The following ERCC8 variants were observed in gnomAD, a reference collection of about 807,000 sequenced individuals.
ERCC8 encodes the protein DNA excision repair protein ERCC-8.
A neutral mutation model predicts 54.9 loss-of-function variants in ERCC8; 52 were observed. The ratio of observed to expected loss-of-function variants is 0.95; its 90% CI spans 0.76 to 1.19. The LOEUF (loss-of-function observed/expected upper bound fraction) is 1.19, where lower values mean the gene tolerates loss of function less well. Among genes scored for constraint, ERCC8 ranks in the 50% most tolerant of loss-of-function variants. The pLI, the probability that ERCC8 is intolerant of heterozygous loss-of-function variation, is 0.00. For missense variants in ERCC8, 514 were observed against 466.1 expected, an observed-to-expected ratio of 1.10 and a Z score of -0.95; for synonymous variants, 146 against 157.2, an observed-to-expected ratio of 0.93 and a Z score of 0.53.
At chr5:60,889,895 A>G (rs1748499319) in intron 10 of ERCC8, among the ~76,000 whole-genome samples, 1 of 152,148 alleles carries the variant, frequency 6.6e-6, no homozygotes, top group African/African-American at 2.4e-5. Context: ...ATTGACTAAT[A>G]AAAAGAGATA....
intron 1 of ERCC8, among the ~76,000 whole-genome samples, chr5:60,941,217 T>A (rs559504555): frequency 3.9e-5 from 6 of 152,006 alleles, no homozygotes; most frequent in Non-Finnish European, 8.8e-5. Context: ...AAACAGAAAG[T>A]CTCAGCAAAG....
intron 2 of ERCC8, among the ~76,000 whole-genome samples, chr5:60,923,056 G>C (rs1749645816): frequency 1.3e-5 from 2 of 151,162 alleles, no homozygotes; most frequent in Admixed American, 1.3e-4. Context: ...GTGTGGAAGG[G>C]AAAGAGTGGT....
chr5:60,925,203 C>A (rs542713219), intron 2 of ERCC8, among the ~76,000 whole-genome samples: 6 of 152,126 alleles, frequency 3.9e-5, no homozygotes, highest in Non-Finnish European at 7.4e-5. Context: ...TCCTCTTCTT[C>A]CCTTAAAAAT....
chr5:60,944,987 G>A lies in ERCC8; in HGVS notation c.22C>T (p.Arg8Cys), dbSNP rs746417266. The A allele has an allele frequency of 1.9e-6, 3 of 1,613,956 alleles. No homozygotes were observed. The highest frequency in any genetic ancestry group is 2.7e-5 in the African/African-American group (2 of 74,904). The change falls in exon 1 of 12, where the codon CGC becomes TGC. Residue 8 changes from arginine to cysteine, a missense_variant. Physicochemically the swap from Arg to Cys is radical, Grantham distance 180. Coordinates refer to ENST00000676185, the MANE Select transcript of ERCC8 (RefSeq NM_000082.4). ...AGAGGGTCCTCCAAACCCGTTTGGC[G>A]TGCGGACAAAAACCCCAGCATATCG... is the stretch of plus-strand genomic sequence containing the variant. MLGFLSA[R>C]QTGLEDPLRL... is the part of the protein sequence containing the mutation.
chr5:60,921,299 T>C (rs960404598), intron 3 of ERCC8, among the ~76,000 whole-genome samples: 1 of 151,930 alleles, frequency 6.6e-6, no homozygotes, highest in African/African-American at 2.4e-5. Context: ...CTGTAATAGA[T>C]AGTTGATGTT....
Position 60,870,744 on chromosome 5 carries a change from A to G in ERCC8, c.*3871T>C, listed in dbSNP as rs1747846629. ...TAGATAATCCAAAAAAGAAGAAGGAAAAAGGAGAAGCAACAATTAGACAAA... is the reference window on the plus strand; with the variant it reads ...TAGATAATCCAAAAAAGAAGAAGGAGAAAGGAGAAGCAACAATTAGACAAA... On this transcript the variant is annotated 3_prime_UTR_variant, in exon 12 of 12. Transcript: ENST00000676185. 6.6e-6 allele frequency among the ~76,000 whole-genome samples: 1 copy of G among 151,968 alleles called. No homozygotes were observed. Among genetic ancestry groups the G allele is most frequent in the Admixed American group, 6.6e-5 (1 of 15,254 alleles).
chr5:60,890,855 A>G, intron 10 of ERCC8, 34 bp downstream of exon 10: 1 of 1,504,534 alleles, frequency 6.6e-7, no homozygotes, highest in African/African-American at 1.4e-5. Context: ...CAAGCTAGCT[A>G]GCTGAACATT....
At chr5:60,914,292 T>A (rs776338207) in intron 4 of ERCC8, among the ~76,000 whole-genome samples, 4 of 152,080 alleles carry the variant, frequency 2.6e-5, no homozygotes, top group Non-Finnish European at 5.9e-5. Flanking sequence ...GGTGCATATA[T>A]ATTTAGGATA....
intron 11 of ERCC8, among the ~76,000 whole-genome samples, chr5:60,881,750 C>T (rs1748237629): frequency 6.6e-6 from 1 of 152,182 alleles, no homozygotes; most frequent in African/African-American, 2.4e-5. Context: ...TTTCCAGGTG[C>T]CGTCTGTCAC....
chr5:60,927,650 T>C (rs1007779365), intron 2 of ERCC8, among the ~76,000 whole-genome samples: 2 of 152,072 alleles, frequency 1.3e-5, no homozygotes, highest in Non-Finnish European at 2.9e-5. Context: ...CTGGCTGGAG[T>C]AACAGTATTG....
intron 1 of ERCC8, among the ~76,000 whole-genome samples, chr5:60,939,005 G>T (rs62372142): frequency 0.1 from 15,834 of 151,996 alleles, 1,113 homozygotes; most frequent in South Asian, 0.17. Flanking sequence ...ACAGCTTTTA[G>T]CTTTATTTGT....
chr5:60,906,766 T>C (rs1052244265), intron 4 of ERCC8, among the ~76,000 whole-genome samples: 29 of 151,650 alleles, frequency 1.9e-4, no homozygotes, highest in East Asian at 1.5e-3. Context: ...AATAAACAAA[T>C]ACATACATAA....
At chr5:60,942,578 G>A (rs936639246) in intron 1 of ERCC8, among the ~76,000 whole-genome samples, 1 of 152,126 alleles carries the variant, frequency 6.6e-6, no homozygotes, top group Non-Finnish European at 1.5e-5. Flanking sequence ...TACTAGATAT[G>A]CAAACTAATC....
intron 9 of ERCC8, chr5:60,892,160 T>C: frequency 1.9e-6 from 1 of 516,544 alleles, no homozygotes; most frequent in Non-Finnish European, 3.9e-6. Context: ...AGGGTGGTGG[T>C]CTACATTGAG....
chr5:60,919,196 TATAA>T (rs1749528799), intron 3 of ERCC8, among the ~76,000 whole-genome samples: 1 of 152,028 alleles, frequency 6.6e-6, no homozygotes, highest in African/African-American at 2.4e-5. Flanking sequence ...CTTTTAGAGA[TATAA>T]ATAATTATGA....
intron 11 of ERCC8, among the ~76,000 whole-genome samples, chr5:60,876,466 C>T (rs1483301448): frequency 6.6e-6 from 1 of 152,196 alleles, no homozygotes; most frequent in Non-Finnish European, 1.5e-5. Flanking sequence ...TGGACTTCCA[C>T]AATGGTTGAA....
chr5:60,876,641 C>G (rs1214089708), intron 11 of ERCC8, among the ~76,000 whole-genome samples: 1 of 152,184 alleles, frequency 6.6e-6, no homozygotes, highest in Non-Finnish European at 1.5e-5. Context: ...TGATGATGAG[C>G]ATTTTTTCAT....
At position 60,876,126 on chromosome 5, in the gene ERCC8, G is replaced by A. The variant is rs533486585; in HGVS notation, c.1123-1443C>T. Among the ~76,000 whole-genome samples the A allele has an allele frequency of 3.9e-5, 6 of 152,096 alleles. No individual in the cohort carries two copies. The East Asian group carries it at 9.7e-4, about 25-fold the overall frequency. ...TCCCACCTATGAGTGAGAACTTGGC[G>A]GTGTTTGGGTTTTTGTCCTTGCAAT... is the stretch of plus-strand genomic sequence containing the variant. On this transcript the variant is annotated intron_variant, in intron 11 of 11. Coordinates refer to ENST00000676185, the MANE Select transcript of ERCC8 (RefSeq NM_000082.4).
At chr5:60,877,713 A>T (rs1003604073) in intron 11 of ERCC8, among the ~76,000 whole-genome samples, 5 of 152,142 alleles carry the variant, frequency 3.3e-5, no homozygotes, top group African/African-American at 1.2e-4. Flanking sequence ...ATTTTTGCAC[A>T]TTGATTTTGT....
Sources: gnomAD v4.1 joint callset for allele counts (sites outside exome capture counted in the v4.1 genomes callset) on GRCh38, gnomAD v4.1.1 for gene constraint, MANE v1.5 for transcripts, NCBI Gene and HGNC (gene_info 2026-07-23, HGNC 2026-07-21) for gene names.